Variants in OGN observed in about 807,000 individuals in gnomAD.
The protein encoded by OGN is mimecan.
Under a neutral mutation model 30.8 loss-of-function variants are expected in OGN, and 19 were observed. That is an observed-to-expected ratio of 0.62 (90% confidence interval 0.43 to 0.90). The LOEUF is 0.90. OGN is among the 40% of genes least tolerant of loss of function. The pLI is 0.00. For synonymous variants in OGN, 126 were observed against 128.3 expected (o/e 0.98, Z 0.12); for missense variants, 283 against 349.7 (o/e 0.81, Z 1.52).
At chr9:92,391,332 G>A (rs1842674740) in intron 4 of OGN, among the ~76,000 whole-genome samples, 1 of 152,028 alleles carries the variant, frequency 6.6e-6, no homozygotes, top group Admixed American at 6.6e-5. Context: ...GCATGAACCT[G>A]GGAGGCGGAG....
intron 3 of OGN, among the ~76,000 whole-genome samples, chr9:92,394,216 A>G (rs1842799172): frequency 6.6e-6 from 1 of 151,860 alleles, no homozygotes; most frequent in Non-Finnish European, 1.5e-5. Context: ...AACTTGTTTT[A>G]TATATTTTGA....
At chr9:92,391,456 A>C (rs1292632299) in intron 4 of OGN, among the ~76,000 whole-genome samples, 1 of 151,800 alleles carries the variant, frequency 6.6e-6, no homozygotes, top group Non-Finnish European at 1.5e-5. Context: ...ACAAGTAACC[A>C]GGTGTGGTGG....
At position 92,390,008 on chromosome 9, in the gene OGN, T is replaced by C; in HGVS notation, c.476A>G (p.Glu159Gly). The C allele has an allele frequency of 6.2e-7, 1 of 1,608,012 alleles. No homozygotes were observed. The highest frequency in any genetic ancestry group is 8.5e-7 in the Non-Finnish European group (1 of 1,175,530). ...AGAAAGTTTTGAAAAAGTACCATCT[T>C]CTATATCTTCTATCAAATTTCCTGT... ...DFTGNLIEDI[E>G]DGTFSKLSLL... Residue 159 changes from glutamate (E) to glycine (G), a missense_variant, in exon 5 of 7, where the codon GAA (glutamate) becomes GGA (glycine). Coordinates refer to ENST00000375561, the MANE Select transcript of OGN (RefSeq NM_014057.5).
intron 5 of OGN, among the ~76,000 whole-genome samples, chr9:92,387,059 A>G (rs1444878236): frequency 6.7e-6 from 1 of 149,510 alleles, no homozygotes; most frequent in East Asian, 2.0e-4. Context: ...AAAAGAAAAA[A>G]AAAAAAAAAA....
In OGN at chr9:92,386,265, T is replaced by G. The variant is rs1038814631; in HGVS notation, c.662A>C (p.Asp221Ala). ...KLNNLTFLYL[D>A]HNALESVPLN... ...AGGCACGGATTCCAGGGCATTATGG[T>G]CCAAGTAGAGGAAGGTGAGGTTATT... Residue 221 changes from aspartate to alanine, a missense_variant, in exon 6 of 7, where the codon GAC becomes GCC. By Grantham distance (126) the Asp-to-Ala change is moderately radical. Transcript: ENST00000375561. 1.9e-6 allele frequency: 3 copies of G among 1,613,538 alleles called. No homozygotes were observed. In the Admixed American group the frequency reaches 5.0e-5, roughly 27 times the overall value.
intron 5 of OGN, 180 bp downstream of exon 5, chr9:92,389,674 G>A: frequency 2.1e-6 from 1 of 485,880 alleles, no homozygotes; most frequent in Non-Finnish European, 3.6e-6. Flanking sequence ...ACTGAGATAT[G>A]GGTATAAGCT....
intron 2 of OGN, 107 bp downstream of exon 2, chr9:92,403,127 G>A: frequency 3.0e-6 from 2 of 668,768 alleles, no homozygotes; most frequent in South Asian, 2.3e-5. Flanking sequence ...ATCATTTAAA[G>A]TGATTTTCCC....
chr9:92,402,233 G>A (rs747413521), intron 2 of OGN, among the ~76,000 whole-genome samples: 2 of 151,968 alleles, frequency 1.3e-5, no homozygotes, highest in East Asian at 3.9e-4. Flanking sequence ...CCTATCCTTT[G>A]TGTCTTAGTG....
At position 92,385,772 on chromosome 9, in the gene OGN, T is replaced by C. The variant is rs149681015; in HGVS notation, c.745A>G (p.Ile249Val). ...GCCTTGCAGAATGTGTCATCTGTAA[T>C]TGAAGCTATGTTGTTGAACTGAAAA... ...IHLQFNNIAS[I>V]TDDTFCKAND... The change falls in exon 7 of 7, where the codon ATT becomes GTT. Residue 249 changes from isoleucine to valine, a missense_variant. Physicochemically the swap from Ile to Val is conservative, Grantham distance 29. Transcript: ENST00000375561. 323 of 1,614,134 alleles carry C rather than the reference T, an allele frequency of 2.0e-4. No individual in the cohort carries two copies. In the Middle Eastern group the frequency reaches 5.3e-3, roughly 26 times the overall value.
chr9:92,391,097 T>C (rs936382987), intron 4 of OGN, among the ~76,000 whole-genome samples: 3 of 151,998 alleles, frequency 2.0e-5, no homozygotes, highest in Non-Finnish European at 2.9e-5. Context: ...CAACCTCATC[T>C]CTATTAAAAT....
chr9:92,403,208 C>A, intron 2 of OGN, 26 bp downstream of exon 2: 1 of 1,470,150 alleles, frequency 6.8e-7, no homozygotes, highest in Non-Finnish European at 9.3e-7. Flanking sequence ...ATTTTAGAAG[C>A]TAAATTTAGA....
At chr9:92,402,001 C>T (rs1843134967) in intron 2 of OGN, among the ~76,000 whole-genome samples, 1 of 152,086 alleles carries the variant, frequency 6.6e-6, no homozygotes, top group Non-Finnish European at 1.5e-5. Flanking sequence ...ACATCAAGTC[C>T]TGTTGAATTC....
chr9:92,398,260 G>A (rs1035121647), intron 3 of OGN, among the ~76,000 whole-genome samples: 1 of 152,078 alleles, frequency 6.6e-6, no homozygotes, highest in Non-Finnish European at 1.5e-5. Flanking sequence ...GCACAATCAA[G>A]TTTATGTTTT....
rs188325809 is a variant in OGN at position 92,389,843 on chromosome 9, A to G, written c.630+11T>C. 59 of 1,572,232 alleles carry G rather than the reference A, an allele frequency of 3.8e-5. No individual in the cohort carries two copies. In the East Asian group the frequency reaches 1.3e-3, roughly 34 times the overall value. ...CTCATACTATGCTTAGTTTTACTAT[A>G]AAATACTTACTTTGAATGCATTTGC... On this transcript the variant is annotated intron_variant, in intron 5 of 6. Coordinates refer to ENST00000375561, the MANE Select transcript of OGN (RefSeq NM_014057.5).
rs866162769 is a variant in OGN, at chr9:92,389,961, CAA to C, written c.521_522del (p.Leu174ArgfsTer2). On this transcript the variant is annotated frameshift_variant, in exon 5 of 7. Transcript: ENST00000375561. LOFTEE classifies it high-confidence loss of function. Reference protein sequence around the residue: ...SKLSLLEELSLAENQLLKLPV... With the variant: ...SKLSLLEELSXAENQLLKLPV... The stretch of plus-strand genomic sequence containing the variant: ...GGAAGTTTTAGTAGTTGATTTTCAG[CAA>C]GTGAAAGTTCTTCTAACAGAGAAAG... The C allele has an allele frequency of 2.5e-6, 4 of 1,610,314 alleles. No homozygotes were observed. The African/African-American group carries it at 5.3e-5, about 22-fold the overall frequency.
intron 2 of OGN, 68 bp from the exon 3 acceptor site, chr9:92,401,253 T>TCACAGA (rs1843099963): frequency 2.7e-6 from 2 of 736,896 alleles, no homozygotes; most frequent in African/African-American, 3.6e-5. Flanking sequence ...AATGAAGGGA[T>TCACAGA]CACAGACACC....
chr9:92,395,940 C>T (rs1178672125), intron 3 of OGN, among the ~76,000 whole-genome samples: 1 of 150,532 alleles, frequency 6.6e-6, no homozygotes, highest in South Asian at 2.1e-4. Flanking sequence ...TAATGTTTGC[C>T]GACCACCAAG....
At chr9:92,389,523 A>AT (rs1842579385) in intron 5 of OGN, 1 of 170,470 alleles carries the variant, frequency 5.9e-6, no homozygotes, top group Non-Finnish European at 1.2e-5. Flanking sequence ...CACAGGAAAT[A>AT]TCCCATTTTG....
At chr9:92,403,642 G>T in intron 1 of OGN, 160 bp from the exon 2 acceptor site, 5 of 1,165,882 alleles carry the variant, frequency 4.3e-6, no homozygotes, top group Non-Finnish European at 5.3e-6. Context: ...CTGAAAAATA[G>T]TTTTGGAAAA....
Sources: gnomAD v4.1 joint callset for allele counts (sites outside exome capture counted in the v4.1 genomes callset) on GRCh38, gnomAD v4.1.1 for gene constraint, MANE v1.5 for transcripts, NCBI Gene and HGNC (gene_info 2026-07-23, HGNC 2026-07-21) for gene names.